Variants in SSBP3 observed in about 807,000 individuals in gnomAD.
SSBP3 encodes the protein single stranded DNA binding protein 3.
A neutral mutation model predicts 69.6 loss-of-function variants in SSBP3; 5 were observed. The observed-to-expected ratio is 0.07, with a 90% CI of 0.04 to 0.15. SSBP3 has a LOEUF of 0.15. Among genes scored for constraint, SSBP3 ranks in the 10% least tolerant of loss-of-function variants. The pLI, the probability that SSBP3 is intolerant of heterozygous loss-of-function variation, is 1.00. For missense variants in SSBP3, 312 were observed against 534.0 expected (o/e 0.58, Z 4.10); for synonymous variants, 196 against 193.4 (o/e 1.01, Z -0.11).
intron 4 of SSBP3, among the ~76,000 whole-genome samples, chr1:54,284,154 C>T (rs1645445972): frequency 7.0e-6 from 1 of 142,170 alleles, no homozygotes; most frequent in Non-Finnish European, 1.5e-5. Context: ...TACTATGTTG[C>T]CCAGGCTGGC....
At chr1:54,283,469 T>C (rs1044046910) in intron 4 of SSBP3, among the ~76,000 whole-genome samples, 18 of 152,206 alleles carry the variant, frequency 1.2e-4, no homozygotes, top group Admixed American at 1.0e-3. Context: ...ACTCGGACTT[T>C]CTGAATTTGC....
At chr1:54,359,705 A>T (rs1178298862) in intron 4 of SSBP3, among the ~76,000 whole-genome samples, 1 of 152,014 alleles carries the variant, frequency 6.6e-6, no homozygotes, top group South Asian at 2.1e-4. Context: ...TTATGTAAAA[A>T]CTCCAATGTT....
intron 9 of SSBP3, among the ~76,000 whole-genome samples, chr1:54,249,773 T>G (rs1644795463): frequency 7.2e-6 from 1 of 138,824 alleles, no homozygotes; most frequent in African/African-American, 2.7e-5. Flanking sequence ...AAAATTTGAT[T>G]CCTGTTAAAA....
In SSBP3 at chr1:54,337,485, C is replaced by CTTTTTTTTTTTTTTTTTTTTTTTTTT. The variant is rs869039822; in HGVS notation, c.277-55984_277-55959dup. On this transcript the variant is annotated intron_variant, in intron 4 of 17. Coordinates refer to ENST00000610401, the Ensembl canonical transcript of SSBP3. ...ACCAAAGCATTTTGTTTTCCTCAAG[C>CTTTTTTTTTTTTTTTTTTTTTTTTTT]TTTTTTTTTTTTTTTTTTTTTTTTT... Among the ~76,000 whole-genome samples the CTTTTTTTTTTTTTTTTTTTTTTTTTT allele has an allele frequency of 1.2e-4, 6 of 51,166 alleles. 1 individual carries two copies. Among genetic ancestry groups the CTTTTTTTTTTTTTTTTTTTTTTTTTT allele is most frequent in the Admixed American group, 6.4e-4 (2 of 3,142 alleles). 33.6% of individuals were successfully genotyped at this position (51,166 alleles called of 152,430 possible).
intron 4 of SSBP3, among the ~76,000 whole-genome samples, chr1:54,301,236 C>T (rs1279971327): frequency 6.6e-6 from 1 of 152,194 alleles, no homozygotes; most frequent in Non-Finnish European, 1.5e-5. Flanking sequence ...GCAACAGAAG[C>T]CTCACCTGGA....
chr1:54,406,760 C>T (rs1346476245), upstream of SSBP3, among the ~76,000 whole-genome samples: 1 of 151,766 alleles, frequency 6.6e-6, no homozygotes, highest in Admixed American at 6.5e-5. Flanking sequence ...GCTGCGGCAG[C>T]GTCCGATGGG....
At chr1:54,343,691 C>T (rs1333756535) in intron 4 of SSBP3, among the ~76,000 whole-genome samples, 2 of 152,138 alleles carry the variant, frequency 1.3e-5, no homozygotes, top group Non-Finnish European at 2.9e-5. Flanking sequence ...TATCTACGGC[C>T]CCATAAAGGT....
At chr1:54,241,404 C>A in intron 12 of SSBP3, 70 bp downstream of exon 12, 1 of 1,546,286 alleles carries the variant, frequency 6.5e-7, no homozygotes, top group South Asian at 1.1e-5. Context: ...AACGGGGACC[C>A]CAGACCAGTT....
intron 4 of SSBP3, among the ~76,000 whole-genome samples, chr1:54,316,679 A>C: frequency 7.8e-6 from 1 of 128,096 alleles, no homozygotes. Context: ...TAAATAAATA[A>C]ATAAATAAAT....
chr1:54,244,006 T>G (rs1164916079), intron 9 of SSBP3, among the ~76,000 whole-genome samples: 1 of 152,210 alleles, frequency 6.6e-6, no homozygotes. Context: ...CATAACTCAC[T>G]GCAGCCTTGA....
chr1:54,257,082 A>C, intron 7 of SSBP3, 45 bp downstream of exon 7: 1 of 1,577,020 alleles, frequency 6.3e-7, no homozygotes, highest in Non-Finnish European at 8.6e-7. Context: ...CCTAGGGCCA[A>C]GGATGGCTGA....
chr1:54,252,613 G>T (rs1644849763), intron 7 of SSBP3, among the ~76,000 whole-genome samples: 1 of 152,212 alleles, frequency 6.6e-6, no homozygotes, highest in South Asian at 2.1e-4. Context: ...GGCCATCGGC[G>T]GTGCTGGTGT....
intron 4 of SSBP3, chr1:54,325,285 C>G (rs983223343): frequency 6.0e-6 from 1 of 166,402 alleles, no homozygotes; most frequent in Admixed American, 6.5e-5. Context: ...GCCTAGCTGC[C>G]CCTTTCTCTG....
chr1:54,368,676 A>C (rs998730024), intron 4 of SSBP3, among the ~76,000 whole-genome samples: 5 of 152,142 alleles, frequency 3.3e-5, no homozygotes, highest in African/African-American at 1.2e-4. Flanking sequence ...GAAGCCCTAC[A>C]CTAAAGAAGC....
intron 4 of SSBP3, among the ~76,000 whole-genome samples, chr1:54,383,288 G>A (rs529516928): frequency 1.6e-4 from 25 of 151,966 alleles, no homozygotes; most frequent in Admixed American, 5.9e-4. Flanking sequence ...TGAGGCAGGA[G>A]AATTTCTTGA....
chr1:54,382,444 A>C (rs1570003874), intron 4 of SSBP3, among the ~76,000 whole-genome samples: 1 of 152,318 alleles, frequency 6.6e-6, no homozygotes, highest in East Asian at 1.9e-4. Flanking sequence ...CTGTGAGGGC[A>C]AAAGATTTGC....
chr1:54,237,752 AC>A (rs1176872656), intron 14 of SSBP3: 1 of 183,106 alleles, frequency 5.5e-6, no homozygotes, highest in Non-Finnish European at 1.2e-5. Context: ...CAAGACTGAA[AC>A]CAGCACCGTC....
upstream of SSBP3, chr1:54,406,530 G>T (rs1481514149): frequency 6.6e-6 from 1 of 152,078 alleles, no homozygotes; most frequent in Non-Finnish European, 1.5e-5. Context: ...CGCCCTGACA[G>T]CGCCGGCCGC....
At chr1:54,392,238 G>C (rs573295017) in intron 4 of SSBP3, among the ~76,000 whole-genome samples, 3 of 152,168 alleles carry the variant, frequency 2.0e-5, no homozygotes. Flanking sequence ...AATTTCCCGA[G>C]AACTCTCTAA....
Sources: allele counts gnomAD v4.1 joint callset (sites outside exome capture counted in the v4.1 genomes callset), GRCh38; gene constraint gnomAD v4.1.1; transcripts MANE v1.5; gene names NCBI Gene and HGNC (gene_info 2026-07-23, HGNC 2026-07-21).